Variants in POLQ observed in about 807,000 individuals in gnomAD.
The protein encoded by POLQ is epididymis secretory sperm binding protein.
POLQ carries 233 observed loss-of-function variants against 259.2 expected under a neutral mutation model. The ratio of observed to expected loss-of-function variants is 0.90; its 90% CI spans 0.81 to 1.00. POLQ has a LOEUF of 1.00. Among genes scored for constraint, POLQ ranks in the 50% least tolerant of loss-of-function variants. The probability of loss-of-function intolerance (pLI) is 0.00; values close to 1 mark genes in which losing one functional copy is unlikely to be tolerated. For missense variants in POLQ, 2,871 were observed against 3,051.6 expected (o/e 0.94, Z 1.39); for synonymous variants, 1,025 against 1,048.8 (o/e 0.98, Z 0.44).
At chr3:121,437,284 G>A (rs114870287) in intron 27 of POLQ, among the ~76,000 whole-genome samples, 2,961 of 152,156 alleles carry the variant, frequency 0.019, 97 homozygotes, top group African/African-American at 0.06. Flanking sequence ...ACACAATGTA[G>A]GAGAGAATAT....
intron 29 of POLQ, 55 bp downstream of exon 29, chr3:121,432,863 T>C: frequency 2.9e-6 from 3 of 1,034,926 alleles, no homozygotes; most frequent in Non-Finnish European, 4.6e-6. Context: ...GCTGTCGGCC[T>C]GACAATACAG....
In POLQ at chr3:121,490,170, G is replaced by A; in HGVS notation, c.2761C>T (p.His921Tyr). ...CTCTTAGTTTGGGATATAAATGTGTGTTCCTTTACTTCGGACTCACTATGA... is the reference window on the plus strand; with the variant it reads ...CTCTTAGTTTGGGATATAAATGTGTATTCCTTTACTTCGGACTCACTATGA... The part of the protein sequence containing the change: ...LTHSESEVKE[H>Y]TFISQTKSSY... The change falls in exon 16 of 30, where the codon CAC becomes TAC. Residue 921 changes from histidine to tyrosine, a missense_variant. By Grantham distance (83) the His-to-Tyr change is moderately conservative (BLOSUM62 2). This residue lies in a region of POLQ where 2,080 missense variants were observed against 2,126.0 expected (regional missense o/e 0.98). Transcript: ENST00000264233. The A allele has an allele frequency of 6.2e-7, 1 of 1,612,106 alleles. No homozygotes were observed. The highest frequency in any genetic ancestry group is 1.3e-5 in the African/African-American group (1 of 74,996).
At chr3:121,522,284 CTTTTTTTTTTTTTTTTTTTTTTTTTTTTT>C (rs748850996) in intron 7 of POLQ, 135 bp from the exon 8 acceptor site, 1 of 56,038 alleles carries the variant, frequency 1.8e-5, no homozygotes, top group Non-Finnish European at 3.4e-5. Context: ...CCCTGGAGAT[CTTTTTTTTTTTTTTTTTTTTTTTTTTTTT>C]TTTTTTTTTG....
chr3:121,514,361 C>CAAAAAAA (rs76640182), intron 9 of POLQ, among the ~76,000 whole-genome samples: 2 of 85,268 alleles, frequency 2.3e-5, no homozygotes, highest in Non-Finnish European at 2.5e-5. Flanking sequence ...CAACAATAAC[C>CAAAAAAA]AAAAAAAAAA....
rs2048051247 is a variant in POLQ at position 121,489,871 on chromosome 3, T to A, written c.3060A>T (p.Ser1020=). ...TSDKKVVQTF[S]QKTKKAPLNF... ...TCAAAGGTGCCTTTTTTGTTTTCTG[T>A]GAAAAAGTCTGAACAACTTTCTTAT... Residue 1020 remains serine, a synonymous_variant, in exon 16 of 30, where the codon TCA becomes TCT. Coordinates refer to ENST00000264233, the MANE Select transcript of POLQ (RefSeq NM_199420.4). 1.2e-6 allele frequency: 2 copies of A among 1,606,190 alleles called. No homozygotes were observed. The highest frequency in any genetic ancestry group is 2.2e-5 in the South Asian group (2 of 88,950).
At position 121,487,989 on chromosome 3, in the gene POLQ, T is replaced by C. The variant is rs758771295; in HGVS notation, c.4942A>G (p.Lys1648Glu). Reference sequence around the variant, plus strand: ...TCATTTTCTAGAGGACTGGATACTTTATCTAAAATCCTTTGCAGTCCTGGA... The same window carrying C: ...TCATTTTCTAGAGGACTGGATACTTCATCTAAAATCCTTTGCAGTCCTGGA... ...LSPGLQRILDKVSSPLENEKL... is the reference protein window; with the variant it reads ...LSPGLQRILDEVSSPLENEKL... The change falls in exon 16 of 30, where the codon AAA becomes GAA. Residue 1648 changes from lysine to glutamate, a missense_variant. By Grantham distance (56) the Lys-to-Glu change is moderately conservative. This residue lies in a region of POLQ where 2,080 missense variants were observed against 2,126.0 expected (regional missense o/e 0.98). Transcript: ENST00000264233. 15 of 1,612,160 alleles carry C rather than the reference T, an allele frequency of 9.3e-6. No individual in the cohort carries two copies. Among genetic ancestry groups the C allele is most frequent in the South Asian group, 1.1e-5 (1 of 90,624 alleles).
At chr3:121,508,213 A>G (rs944356031) in intron 12 of POLQ, among the ~76,000 whole-genome samples, 1 of 152,106 alleles carries the variant, frequency 6.6e-6, no homozygotes, top group Non-Finnish European at 1.5e-5. Flanking sequence ...ATACAAGACC[A>G]CTAACCACAA....
intron 24 of POLQ, among the ~76,000 whole-genome samples, chr3:121,462,864 G>T (rs923700775): frequency 3.3e-5 from 5 of 152,170 alleles, no homozygotes; most frequent in African/African-American, 1.2e-4. Context: ...AAATGACCAA[G>T]CTGATGTGAA....
At chr3:121,473,105 A>C (rs2047898778) in intron 21 of POLQ, among the ~76,000 whole-genome samples, 1 of 152,126 alleles carries the variant, frequency 6.6e-6, no homozygotes. Context: ...ACCTTTATAA[A>C]CCTTTACACC....
intron 15 of POLQ, among the ~76,000 whole-genome samples, chr3:121,492,991 T>C (rs1380650702): frequency 6.6e-6 from 1 of 151,976 alleles, no homozygotes; most frequent in African/African-American, 2.4e-5. Context: ...GTATTATTTT[T>C]TAAATATACA....
In POLQ at chr3:121,445,405, A is replaced by C. The variant is rs142360226; in HGVS notation, c.7264+3910T>G. Among the ~76,000 whole-genome samples, 13 of 152,204 alleles carry C rather than the reference A, an allele frequency of 8.5e-5. No individual in the cohort carries two copies. The East Asian group carries it at 2.5e-3, about 29-fold the overall frequency. On this transcript the variant is annotated intron_variant, in intron 26 of 29. Coordinates refer to ENST00000264233, the MANE Select transcript of POLQ (RefSeq NM_199420.4). ...TTACCCATTTCTTCTAGATTTTCCA[A>C]ATTACTGGCATATAGCTGCTCATAG...
At chr3:121,506,723 T>G (rs2048211488) in intron 12 of POLQ, among the ~76,000 whole-genome samples, 1 of 152,240 alleles carries the variant, frequency 6.6e-6, no homozygotes, top group Admixed American at 6.5e-5. Flanking sequence ...GTTTTACATT[T>G]TACCAAAATC....
At chr3:121,500,014 C>A (rs1389242964) in intron 12 of POLQ, among the ~76,000 whole-genome samples, 1 of 152,102 alleles carries the variant, frequency 6.6e-6, no homozygotes, top group African/African-American at 2.4e-5. Context: ...GGCACAGTGG[C>A]TCATGCCTAT....
chr3:121,466,317 G>C (rs1432883026), intron 24 of POLQ, among the ~76,000 whole-genome samples: 1 of 121,176 alleles, frequency 8.3e-6, no homozygotes, highest in African/African-American at 3.2e-5. Flanking sequence ...TGAGTTTTAA[G>C]AAAACTCTGT....
At chr3:121,517,960 C>A (rs2048309738) in intron 9 of POLQ, among the ~76,000 whole-genome samples, 1 of 152,082 alleles carries the variant, frequency 6.6e-6, no homozygotes, top group African/African-American at 2.4e-5. Flanking sequence ...CTAACTAATC[C>A]AGATACCAAT....
At chr3:121,508,734 C>T (rs752336443) in intron 12 of POLQ, among the ~76,000 whole-genome samples, 9 of 152,132 alleles carry the variant, frequency 5.9e-5, no homozygotes, top group Non-Finnish European at 1.2e-4. Flanking sequence ...CACTACATAG[C>T]GATTTTTATT....
chr3:121,545,699 C>T lies in POLQ; in HGVS notation c.163+16G>A. The stretch of plus-strand genomic sequence containing the variant: ...GCTGCCCCCGTTGCCCGCGGCCTCC[C>T]GGGTTCCTGGAGCACCTGCAGCTGC... On this transcript the variant is annotated intron_variant, in intron 1 of 29. Coordinates refer to ENST00000264233, the MANE Select transcript of POLQ (RefSeq NM_199420.4). 6.5e-7 allele frequency: 1 copy of T among 1,540,022 alleles called. No homozygotes were observed. The highest frequency in any genetic ancestry group is 1.8e-4 in the Middle Eastern group (1 of 5,414).
chr3:121,513,147 GCA>G (rs1466774405), intron 9 of POLQ, among the ~76,000 whole-genome samples: 5 of 151,976 alleles, frequency 3.3e-5, no homozygotes, highest in Non-Finnish European at 7.4e-5. Flanking sequence ...AATAAAACTG[GCA>G]CAGTGCTGGA....
chr3:121,454,364 T>A (rs1267156403), intron 25 of POLQ, among the ~76,000 whole-genome samples: 27 of 152,148 alleles, frequency 1.8e-4, no homozygotes, highest in Non-Finnish European at 5.9e-5. Context: ...AATGACAGGA[T>A]CAAATTCACA....
Sources: gnomAD v4.1 joint callset for allele counts (sites outside exome capture counted in the v4.1 genomes callset) on GRCh38, gnomAD v4.1.1 for gene constraint, gnomAD v4.1.1 regional missense constraint, MANE v1.5 for transcripts, NCBI Gene and HGNC (gene_info 2026-07-23, HGNC 2026-07-21) for gene names.